The following FOXN3 variants were observed in gnomAD, a reference collection of about 807,000 sequenced individuals.
FOXN3 encodes the protein forkhead box N3.
A neutral mutation model predicts 38.4 loss-of-function variants in FOXN3; 7 were observed. The observed-to-expected ratio is 0.18, with a 90% CI of 0.10 to 0.34. The LOEUF (loss-of-function observed/expected upper bound fraction) is 0.34. Ranked by LOEUF, FOXN3 falls within the 10% of genes least tolerant of loss-of-function variation. The pLI is 1.00. For missense variants in FOXN3, 456 were observed against 613.4 expected (o/e 0.74, Z 2.71); for synonymous variants, 230 against 242.2 (o/e 0.95, Z 0.47).
intron 1 of FOXN3, among the ~76,000 whole-genome samples, chr14:89,413,479 C>T (rs901696609): frequency 2.0e-5 from 3 of 151,686 alleles, no homozygotes; most frequent in Non-Finnish European, 4.4e-5. Context: ...ATGAAAAATA[C>T]AAAAATTAGC....
chr14:89,611,889 G>C (rs976771406), intron 1 of FOXN3, among the ~76,000 whole-genome samples: 1 of 151,394 alleles, frequency 6.6e-6, no homozygotes, highest in African/African-American at 2.4e-5. Flanking sequence ...TGAGAACACA[G>C]AATGTGAAGA....
intron 4 of FOXN3, among the ~76,000 whole-genome samples, chr14:89,217,878 C>T (rs1414871319): frequency 6.6e-6 from 1 of 152,202 alleles, no homozygotes; most frequent in Non-Finnish European, 1.5e-5. Flanking sequence ...GGGCCTGGCT[C>T]GCTATGCTGG....
At chr14:89,369,462 T>C (rs118086549) in intron 2 of FOXN3, among the ~76,000 whole-genome samples, 1,667 of 152,318 alleles carry the variant, frequency 0.011, 15 homozygotes, top group Non-Finnish European at 0.015. Context: ...AGAAGAGAGA[T>C]AGTATATGTT....
intron 3 of FOXN3, among the ~76,000 whole-genome samples, chr14:89,283,952 C>G (rs1293504604): frequency 1.3e-5 from 2 of 152,106 alleles, no homozygotes; most frequent in African/African-American, 4.8e-5. Context: ...CCTCCACCTG[C>G]CAGGTTCAAG....
intron 1 of FOXN3, among the ~76,000 whole-genome samples, chr14:89,600,844 T>A (rs1896140112): frequency 6.6e-6 from 1 of 152,172 alleles, no homozygotes. Context: ...TAGAGAAACC[T>A]TAGACTTGAA....
chr14:89,238,601 A>T (rs544964899), intron 4 of FOXN3, among the ~76,000 whole-genome samples: 1 of 152,342 alleles, frequency 6.6e-6, no homozygotes, highest in East Asian at 1.9e-4. Context: ...GGAAGTCCCT[A>T]CAGTTACATA....
chr14:89,377,054 A>AAAAAAAAAAAAAAAT (rs1890502763), intron 2 of FOXN3, among the ~76,000 whole-genome samples: 1 of 133,264 alleles, frequency 7.5e-6, no homozygotes, highest in African/African-American at 2.8e-5. Context: ...AAAAAAAAAA[A>AAAAAAAAAAAAAAAT]GCTTGAGCCT....
At chr14:89,543,544 G>A (rs146213905) in intron 1 of FOXN3, among the ~76,000 whole-genome samples, 2 of 152,138 alleles carry the variant, frequency 1.3e-5, no homozygotes, top group African/African-American at 4.8e-5. Context: ...AATAGATTCC[G>A]CCTCGACTAA....
intron 1 of FOXN3, among the ~76,000 whole-genome samples, chr14:89,568,751 T>C (rs1895420753): frequency 6.6e-6 from 1 of 152,198 alleles, no homozygotes; most frequent in South Asian, 2.1e-4. Context: ...AAATGAGAAA[T>C]TCAGTATTTT....
At chr14:89,452,901 A>G (rs1892641037) in intron 1 of FOXN3, among the ~76,000 whole-genome samples, 1 of 152,220 alleles carries the variant, frequency 6.6e-6, no homozygotes, top group Non-Finnish European at 1.5e-5. Flanking sequence ...ACAAACACTT[A>G]AAAAATGAAC....
intron 2 of FOXN3, among the ~76,000 whole-genome samples, chr14:89,379,047 G>A (rs765323129): frequency 2.0e-5 from 3 of 152,154 alleles, no homozygotes; most frequent in South Asian, 2.1e-4. Context: ...GAGAATAGAG[G>A]GTCAGGGCCA....
At chr14:89,223,462 G>T in intron 4 of FOXN3, 1 of 152,558 alleles carries the variant, frequency 6.6e-6, no homozygotes, top group African/African-American at 2.4e-5. Flanking sequence ...GTGAGAAGGG[G>T]CCTGCTTGTC....
intron 4 of FOXN3, among the ~76,000 whole-genome samples, chr14:89,226,632 C>T (rs1884649142): frequency 1.3e-5 from 2 of 152,102 alleles, no homozygotes; most frequent in Non-Finnish European, 2.9e-5. Flanking sequence ...TTGACCTGTG[C>T]CTCCCCCAAC....
rs146354807 is a variant in FOXN3 at position 89,449,186 on chromosome 14, T to C, written c.-14-36696A>G. Among the ~76,000 whole-genome samples the C allele has an allele frequency of 2.6e-4, 39 of 152,334 alleles. No homozygotes were observed. In the East Asian group the frequency reaches 6.2e-3, roughly 24 times the overall value. On this transcript the variant is annotated intron_variant, in intron 1 of 6. Transcript: ENST00000345097. ...TTCCTTTGTTTTGAGGTCTGCTTTT[T>C]GGCTTACTGATTGAACACAGCTCTT...
At chr14:89,568,283 TA>T (rs1158652119) in intron 1 of FOXN3, among the ~76,000 whole-genome samples, 1 of 152,174 alleles carries the variant, frequency 6.6e-6, no homozygotes, top group Non-Finnish European at 1.5e-5. Context: ...GCTGCCCACC[TA>T]TGAACCATCC....
At chr14:89,418,418 C>CG (rs1352281960), upstream of FOXN3, among the ~76,000 whole-genome samples, 1 of 121,606 alleles carries the variant, frequency 8.2e-6, no homozygotes, top group African/African-American at 3.1e-5. Context: ...ATAGACCCCC[C>CG]CCCCCCAATC....
At chr14:89,555,874 T>TGTGGGG (rs1211667328) in intron 1 of FOXN3, among the ~76,000 whole-genome samples, 1 of 115,994 alleles carries the variant, frequency 8.6e-6, no homozygotes. Context: ...TGTGTGTGTG[T>TGTGGGG]GTATGTGGGG....
chr14:89,449,167 T>C (rs1444257865), intron 1 of FOXN3, among the ~76,000 whole-genome samples: 3 of 152,324 alleles, frequency 2.0e-5, no homozygotes, highest in East Asian at 3.9e-4. Flanking sequence ...TGTATTCCTT[T>C]GTTTTGAGGT....
At chr14:89,273,051 C>T (rs560017371) in intron 4 of FOXN3, among the ~76,000 whole-genome samples, 33 of 152,300 alleles carry the variant, frequency 2.2e-4, no homozygotes, top group Non-Finnish European at 3.4e-4. Context: ...CGGACTGAGC[C>T]GCTGCTTCTT....
Sources: allele counts gnomAD v4.1 joint callset (sites outside exome capture counted in the v4.1 genomes callset), GRCh38; gene constraint gnomAD v4.1.1; transcripts MANE v1.5; gene names NCBI Gene and HGNC (gene_info 2026-07-23, HGNC 2026-07-21).